CLSTN2: variants seen among roughly 807,000 people sequenced by gnomAD.
CLSTN2 encodes the protein calsyntenin 2.
A neutral mutation model predicts 101.2 loss-of-function variants in CLSTN2; 48 were observed. The ratio of observed to expected loss-of-function variants is 0.47; its 90% CI spans 0.38 to 0.60. The LOEUF (loss-of-function observed/expected upper bound fraction) is 0.60. CLSTN2 is among the 20% of genes least tolerant of loss of function. The pLI, the probability that CLSTN2 is intolerant of heterozygous loss-of-function variation, is 0.00. For missense variants in CLSTN2, 1,160 were observed against 1,238.2 expected, an observed-to-expected ratio of 0.94 and a Z score of 0.95; for synonymous variants, 481 against 463.6, an observed-to-expected ratio of 1.04 and a Z score of -0.48.
At chr3:140,105,720 T>C (rs1367406567) in intron 1 of CLSTN2, among the ~76,000 whole-genome samples, 1 of 152,202 alleles carries the variant, frequency 6.6e-6, no homozygotes, top group East Asian at 1.9e-4. Context: ...GACTGTAAGA[T>C]AGAGAAGGCC....
chr3:140,521,856 G>C (rs550910247), intron 8 of CLSTN2, among the ~76,000 whole-genome samples: 4 of 152,286 alleles, frequency 2.6e-5, no homozygotes, highest in African/African-American at 9.6e-5. Flanking sequence ...GTAAGGTGCC[G>C]TTGAAGTGGG....
At chr3:140,365,930 C>T (rs1043310389) in intron 2 of CLSTN2, among the ~76,000 whole-genome samples, 8 of 152,192 alleles carry the variant, frequency 5.3e-5, no homozygotes, top group Admixed American at 4.6e-4. Flanking sequence ...TGTATTCTTC[C>T]TCCTGGGGGA....
chr3:140,088,049 G>T (rs546579725), intron 1 of CLSTN2, among the ~76,000 whole-genome samples: 8 of 152,192 alleles, frequency 5.3e-5, no homozygotes, highest in African/African-American at 7.2e-5. Flanking sequence ...AAAGGCAGGA[G>T]AGTTTGGTAT....
chr3:140,221,499 C>T (rs1263447933), intron 2 of CLSTN2, among the ~76,000 whole-genome samples: 2 of 152,038 alleles, frequency 1.3e-5, no homozygotes, highest in Admixed American at 1.3e-4. Flanking sequence ...GCAATAGTGG[C>T]AGTTAACACT....
intron 2 of CLSTN2, among the ~76,000 whole-genome samples, chr3:140,310,192 A>G (rs2087152242): frequency 6.6e-6 from 1 of 152,166 alleles, no homozygotes; most frequent in Non-Finnish European, 1.5e-5. Context: ...TAAGTGCTAC[A>G]GCCAGAGTTA....
At chr3:140,100,285 T>A (rs1298250146) in intron 1 of CLSTN2, among the ~76,000 whole-genome samples, 1 of 152,146 alleles carries the variant, frequency 6.6e-6, no homozygotes, top group Non-Finnish European at 1.5e-5. Flanking sequence ...GACATTTTTC[T>A]ATTATTTCCC....
chr3:140,546,255 A>T (rs983002531), intron 9 of CLSTN2, among the ~76,000 whole-genome samples: 8 of 152,362 alleles, frequency 5.3e-5, no homozygotes, highest in Non-Finnish European at 1.0e-4. Context: ...GTCTCCTAAG[A>T]CAGTGTGCCC....
At chr3:140,529,764 C>G (rs1935216232) in intron 8 of CLSTN2, among the ~76,000 whole-genome samples, 1 of 152,208 alleles carries the variant, frequency 6.6e-6, no homozygotes, top group Non-Finnish European at 1.5e-5. Flanking sequence ...AGCTCCCAAG[C>G]ATTCCTACCT....
At chr3:140,499,469 G>T (rs1934528034) in intron 8 of CLSTN2, among the ~76,000 whole-genome samples, 1 of 152,188 alleles carries the variant, frequency 6.6e-6, no homozygotes, top group African/African-American at 2.4e-5. Flanking sequence ...GATGCCTTTG[G>T]CTTGGGCATT....
At chr3:140,315,460 T>G (rs1294149812) in intron 2 of CLSTN2, among the ~76,000 whole-genome samples, 1 of 152,168 alleles carries the variant, frequency 6.6e-6, no homozygotes, top group Admixed American at 6.5e-5. Context: ...TTAATTGAAT[T>G]TGATTGTATT....
intron 2 of CLSTN2, among the ~76,000 whole-genome samples, chr3:140,365,002 A>C (rs2107952610): frequency 6.6e-6 from 1 of 152,246 alleles, no homozygotes. Flanking sequence ...CTGAGGGATA[A>C]CTGGAAGATC....
intron 1 of CLSTN2, among the ~76,000 whole-genome samples, chr3:140,174,348 A>G (rs140010911): frequency 1.8e-4 from 27 of 152,300 alleles, no homozygotes; most frequent in East Asian, 1.4e-3. Context: ...CCATATCACT[A>G]TCAGCATTTT....
chr3:140,276,807 G>A (rs2086798770), intron 2 of CLSTN2, among the ~76,000 whole-genome samples: 1 of 152,210 alleles, frequency 6.6e-6, no homozygotes, highest in Admixed American at 6.5e-5. Flanking sequence ...GGAAGTCAAA[G>A]TATTTGTGGA....
At chr3:140,551,887 A>T (rs953754761) in intron 10 of CLSTN2, among the ~76,000 whole-genome samples, 8 of 151,008 alleles carry the variant, frequency 5.3e-5, no homozygotes, top group African/African-American at 1.7e-4. Context: ...AACCTAATAG[A>T]CTCTCAACAA....
At chr3:140,078,528 C>T (rs1246951629) in intron 1 of CLSTN2, among the ~76,000 whole-genome samples, 1 of 152,154 alleles carries the variant, frequency 6.6e-6, no homozygotes, top group Non-Finnish European at 1.5e-5. Context: ...TGTATGTCTC[C>T]AACAGTCTTC....
At chr3:140,201,215 G>A (rs914063671) in intron 2 of CLSTN2, among the ~76,000 whole-genome samples, 18 of 152,284 alleles carry the variant, frequency 1.2e-4, no homozygotes, top group Non-Finnish European at 2.4e-4. Context: ...TTCAACTGGG[G>A]ACATCAGGAT....
intron 1 of CLSTN2, among the ~76,000 whole-genome samples, chr3:139,944,469 TG>T: frequency 6.6e-6 from 1 of 152,368 alleles, no homozygotes; most frequent in Non-Finnish European, 1.5e-5. Flanking sequence ...CAAACTCTAC[TG>T]CTTCTGCCAA....
intron 10 of CLSTN2, among the ~76,000 whole-genome samples, chr3:140,551,090 T>A (rs923514292): frequency 6.6e-6 from 1 of 152,210 alleles, no homozygotes; most frequent in Admixed American, 6.5e-5. Flanking sequence ...CAAAATCAGT[T>A]CATGCTCTTT....
At chr3:140,278,706 A>T (rs377690330) in intron 2 of CLSTN2, among the ~76,000 whole-genome samples, 1 of 152,320 alleles carries the variant, frequency 6.6e-6, no homozygotes, top group Admixed American at 6.5e-5. Context: ...CCTCTTTGCC[A>T]GTTCCCTTAA....
Sources: allele counts gnomAD v4.1 joint callset (sites outside exome capture counted in the v4.1 genomes callset), GRCh38; gene constraint gnomAD v4.1.1; transcripts MANE v1.5; gene names NCBI Gene and HGNC (gene_info 2026-07-23, HGNC 2026-07-21).